The following GALNT17 variants were observed in gnomAD, a reference collection of about 807,000 sequenced individuals.
GALNT17 encodes polypeptide N-acetylgalactosaminyltransferase 17, also known as UDP-GalNAc:polypeptide N-acetylgalactosaminyltransferase-like 3.
GALNT17 carries 29 observed loss-of-function variants against 63.7 expected under a neutral mutation model. The observed-to-expected ratio is 0.46, with a 90% CI of 0.34 to 0.62. The LOEUF (loss-of-function observed/expected upper bound fraction) is 0.62, where lower values mean the gene tolerates loss of function less well. Among genes scored for constraint, GALNT17 ranks in the 20% least tolerant of loss-of-function variants. The pLI is 0.01. For synonymous variants in GALNT17, 305 were observed against 318.3 expected (o/e 0.96, Z 0.45); for missense variants, 603 against 799.6 (o/e 0.75, Z 2.97).
chr7:71,282,944 G>A (rs1790803506), intron 1 of GALNT17, among the ~76,000 whole-genome samples: 2 of 151,926 alleles, frequency 1.3e-5, no homozygotes, highest in African/African-American at 4.8e-5. Flanking sequence ...GAGGGGTTCT[G>A]AGAGTGAGCA....
intron 2 of GALNT17, among the ~76,000 whole-genome samples, chr7:71,372,814 A>T (rs1217751817): frequency 6.6e-6 from 1 of 152,178 alleles, no homozygotes; most frequent in Non-Finnish European, 1.5e-5. Flanking sequence ...GCATACAACG[A>T]TGCTTTGGTC....
intron 1 of GALNT17, among the ~76,000 whole-genome samples, chr7:71,136,264 G>C (rs1029354971): frequency 1.3e-5 from 2 of 152,130 alleles, no homozygotes; most frequent in Non-Finnish European, 2.9e-5. Context: ...CATTGCTCCC[G>C]AGGGTGGAGA....
At chr7:71,314,216 C>T (rs1791460922) in intron 1 of GALNT17, among the ~76,000 whole-genome samples, 1 of 151,908 alleles carries the variant, frequency 6.6e-6, no homozygotes, top group East Asian at 1.9e-4. Context: ...TTAATTACTC[C>T]CCAAAACCAG....
intron 1 of GALNT17, among the ~76,000 whole-genome samples, chr7:71,279,618 G>A (rs1018816883): frequency 3.3e-5 from 5 of 151,706 alleles, no homozygotes; most frequent in African/African-American, 1.2e-4. Context: ...CACATTCTGA[G>A]GTTCTAGGTG....
intron 5 of GALNT17, among the ~76,000 whole-genome samples, chr7:71,538,962 A>T (rs1409851127): frequency 6.6e-6 from 1 of 151,984 alleles, no homozygotes; most frequent in East Asian, 1.9e-4. Context: ...GTTTTTGAGG[A>T]GTCTCACTCT....
intron 3 of GALNT17, among the ~76,000 whole-genome samples, chr7:71,402,099 G>A (rs1311339107): frequency 6.6e-6 from 1 of 152,174 alleles, no homozygotes; most frequent in Non-Finnish European, 1.5e-5. Flanking sequence ...TGTAAGTTGG[G>A]GTAATAGTAG....
At chr7:71,326,330 T>C (rs142968741) in intron 1 of GALNT17, among the ~76,000 whole-genome samples, 6 of 152,234 alleles carry the variant, frequency 3.9e-5, no homozygotes, top group Admixed American at 1.3e-4. Flanking sequence ...GGATGGTGCA[T>C]GACTGTATTC....
chr7:71,705,547 T>C (rs1356821642), intron 9 of GALNT17, among the ~76,000 whole-genome samples: 1 of 152,164 alleles, frequency 6.6e-6, no homozygotes. Flanking sequence ...TGAAAACATA[T>C]GTTCATATGA....
intron 1 of GALNT17, among the ~76,000 whole-genome samples, chr7:71,335,123 C>A (rs573521219): frequency 3.8e-4 from 58 of 151,950 alleles, no homozygotes; most frequent in African/African-American, 1.3e-3. Flanking sequence ...AGAGAGGATT[C>A]TTTTATATTT....
intron 5 of GALNT17, among the ~76,000 whole-genome samples, chr7:71,528,841 A>G (rs188644645): frequency 6.6e-6 from 1 of 152,192 alleles, no homozygotes; most frequent in Non-Finnish European, 1.5e-5. Context: ...GTGGTTAAAA[A>G]AAACAAAAGT....
At chr7:71,228,804 T>C (rs1429761589) in intron 1 of GALNT17, among the ~76,000 whole-genome samples, 2 of 152,210 alleles carry the variant, frequency 1.3e-5, no homozygotes, top group African/African-American at 4.8e-5. Flanking sequence ...TCAGGAGCCC[T>C]AACTTGATCA....
intron 1 of GALNT17, among the ~76,000 whole-genome samples, chr7:71,318,440 G>A (rs1254550045): frequency 1.5e-5 from 2 of 134,274 alleles, no homozygotes; most frequent in Non-Finnish European, 3.2e-5. Context: ...GTGGGGGGTG[G>A]GATATAGTCT....
chr7:71,180,443 T>G (rs1409735781), intron 1 of GALNT17, among the ~76,000 whole-genome samples: 1 of 152,110 alleles, frequency 6.6e-6, no homozygotes, highest in Non-Finnish European at 1.5e-5. Flanking sequence ...TTTTTGAGTT[T>G]TATTAAGAAG....
chr7:71,575,990 A>C (rs1189744506), intron 6 of GALNT17, among the ~76,000 whole-genome samples: 1 of 152,234 alleles, frequency 6.6e-6, no homozygotes. Flanking sequence ...TAGTAATCAG[A>C]AACTATTAAC....
chr7:71,217,882 C>A (rs981417662), intron 1 of GALNT17, among the ~76,000 whole-genome samples: 1 of 151,408 alleles, frequency 6.6e-6, no homozygotes, highest in Non-Finnish European at 1.5e-5. Context: ...GAGCCGAGAT[C>A]GCACCACTGC....
chr7:71,626,120 T>A (rs1790372078), intron 6 of GALNT17, among the ~76,000 whole-genome samples: 1 of 151,892 alleles, frequency 6.6e-6, no homozygotes, highest in Non-Finnish European at 1.5e-5. Context: ...GGCACGTGCC[T>A]GTAGTCCCAG....
intron 1 of GALNT17, among the ~76,000 whole-genome samples, chr7:71,281,719 A>C (rs1274210079): frequency 6.6e-6 from 1 of 152,178 alleles, no homozygotes; most frequent in Non-Finnish European, 1.5e-5. Flanking sequence ...TAACGCTGGA[A>C]AATCGTGTTG....
intron 5 of GALNT17, among the ~76,000 whole-genome samples, chr7:71,437,568 G>A (rs573703541): frequency 6.6e-6 from 1 of 152,296 alleles, no homozygotes; most frequent in East Asian, 1.9e-4. Flanking sequence ...ACAGCTGACT[G>A]CTGCCTTCCC....
intron 5 of GALNT17, among the ~76,000 whole-genome samples, chr7:71,474,381 A>G (rs1330076685): frequency 6.6e-6 from 1 of 152,112 alleles, no homozygotes; most frequent in African/African-American, 2.4e-5. Context: ...CTGGCAATGC[A>G]GCCCAATAGG....
Sources: gnomAD v4.1 joint callset for allele counts (sites outside exome capture counted in the v4.1 genomes callset) on GRCh38, gnomAD v4.1.1 for gene constraint, MANE v1.5 for transcripts, NCBI Gene and HGNC (gene_info 2026-07-23, HGNC 2026-07-21) for gene names.